FGD4: variants seen among roughly 807,000 people sequenced by gnomAD.
FGD4 encodes the protein FYVE, RhoGEF and PH domain containing 4, also known as FYVE, RhoGEF and PH domain-containing protein 4.
A neutral mutation model predicts 102.0 loss-of-function variants in FGD4; 42 were observed. That is an observed-to-expected ratio of 0.41 (90% confidence interval 0.32 to 0.53). The LOEUF is 0.53. FGD4 is among the 20% of genes least tolerant of loss of function. The pLI, the probability that FGD4 is intolerant of heterozygous loss-of-function variation, is 0.21. For missense variants in FGD4, 902 were observed against 1,078.2 expected (o/e 0.84, Z 2.29); for synonymous variants, 380 against 375.7 (o/e 1.01, Z -0.13).
chr12:32,586,555 A>C (rs1428384417), intron 4 of FGD4, among the ~76,000 whole-genome samples: 1 of 152,212 alleles, frequency 6.6e-6, no homozygotes, highest in African/African-American at 2.4e-5. Flanking sequence ...CATGGAAGTG[A>C]CATGATGACA....
intron 2 of FGD4, among the ~76,000 whole-genome samples, chr12:32,575,259 G>A (rs942375870): frequency 2.0e-5 from 3 of 152,194 alleles, no homozygotes; most frequent in African/African-American, 7.2e-5. Context: ...TGGGCTCACA[G>A]TTCTGCAGGC....
At chr12:32,505,127 C>T (rs1446095316) in intron 1 of FGD4, among the ~76,000 whole-genome samples, 1 of 152,172 alleles carries the variant, frequency 6.6e-6, no homozygotes, top group Non-Finnish European at 1.5e-5. Flanking sequence ...CCTGCAGATG[C>T]TGTCATTGCT....
intron 1 of FGD4, among the ~76,000 whole-genome samples, chr12:32,553,912 T>C (rs932754665): frequency 2.6e-5 from 4 of 152,096 alleles, no homozygotes; most frequent in Non-Finnish European, 4.4e-5. Flanking sequence ...AGAGACCAGC[T>C]TGGGCAACAG....
chr12:32,482,164 CAAAG>C (rs1943785812), intron 1 of FGD4, among the ~76,000 whole-genome samples: 1 of 152,060 alleles, frequency 6.6e-6, no homozygotes. Flanking sequence ...TTTTAATAAA[CAAAG>C]GAAATGAAAT....
Position 32,544,993 on chromosome 12 carries a change from G to T in FGD4, c.167-19144G>T, listed in dbSNP as rs1943122510. ...TGGTTTGGGGTGCAACCCAGGTATTGCAGTTTTCTTTCTTAAAGTTCCACA... is the reference window on the plus strand; with the variant it reads ...TGGTTTGGGGTGCAACCCAGGTATTTCAGTTTTCTTTCTTAAAGTTCCACA... On this transcript the variant is annotated intron_variant, in intron 1 of 16. Coordinates refer to ENST00000534526, the MANE Select transcript of FGD4 (RefSeq NM_001370298.3). This position sits in a 1 kb window ranked among gnomAD's most constrained non-coding sequence, Gnocchi z 4.1. 6.6e-6 allele frequency among the ~76,000 whole-genome samples: 1 copy of T among 152,044 alleles called. No individual in the cohort carries two copies. The highest frequency in any genetic ancestry group is 1.5e-5 in the Non-Finnish European group (1 of 68,022).
intron 1 of FGD4, among the ~76,000 whole-genome samples, chr12:32,448,503 C>CA (rs1942683773): frequency 6.6e-6 from 1 of 151,936 alleles, no homozygotes; most frequent in Non-Finnish European, 1.5e-5. Flanking sequence ...ACTAAAAATA[C>CA]AAAATTAGCC....
intron 1 of FGD4, among the ~76,000 whole-genome samples, chr12:32,451,071 G>A (rs112316166): frequency 0.018 from 2,727 of 152,262 alleles, 38 homozygotes; most frequent in Non-Finnish European, 0.025. Flanking sequence ...ACTAGACTTC[G>A]CTTATAATTT....
intron 4 of FGD4, among the ~76,000 whole-genome samples, chr12:32,590,330 A>AT (rs1292133452): frequency 3.3e-5 from 5 of 150,418 alleles, no homozygotes; most frequent in African/African-American, 1.2e-4. Context: ...AAAAAAAAAA[A>AT]GCAAGGAATG....
chr12:32,422,974 A>G (rs1220147282), intron 1 of FGD4, among the ~76,000 whole-genome samples: 2 of 152,196 alleles, frequency 1.3e-5, no homozygotes, highest in Non-Finnish European at 2.9e-5. Context: ...CCAAGTTCAC[A>G]TGGCTAGTAG....
chr12:32,637,051 T>TTTC (rs1565937677), intron 15 of FGD4, among the ~76,000 whole-genome samples: 3 of 101,096 alleles, frequency 3.0e-5, no homozygotes, highest in Admixed American at 1.0e-4. Flanking sequence ...TTTTCTTCTT[T>TTTC]TTTTTTTTTT....
chr12:32,444,315 ACCCAGC>A (rs1386648352), intron 1 of FGD4, among the ~76,000 whole-genome samples: 1 of 151,888 alleles, frequency 6.6e-6, no homozygotes, highest in Non-Finnish European at 1.5e-5. Flanking sequence ...GACCCACTGC[ACCCAGC>A]CAACAGGCTG....
chr12:32,425,989 T>C (rs998403433), intron 1 of FGD4, among the ~76,000 whole-genome samples: 2 of 152,258 alleles, frequency 1.3e-5, no homozygotes, highest in South Asian at 2.1e-4. Context: ...TTTCTAAATA[T>C]ACAATCATGT....
intron 7 of FGD4, among the ~76,000 whole-genome samples, chr12:32,606,566 G>A (rs1055939073): frequency 2.7e-5 from 4 of 150,498 alleles, no homozygotes; most frequent in Non-Finnish European, 5.9e-5. Context: ...TCCTGGGCTC[G>A]CTCCCTAGTC....
intron 5 of FGD4, among the ~76,000 whole-genome samples, chr12:32,600,079 G>A (rs61926191): frequency 0.011 from 1,697 of 152,286 alleles, 18 homozygotes; most frequent in South Asian, 0.056. Flanking sequence ...GCCATGAGAA[G>A]CCATTTTAAG....
At chr12:32,547,965 C>T in intron 1 of FGD4, among the ~76,000 whole-genome samples, 1 of 152,188 alleles carries the variant, frequency 6.6e-6, no homozygotes, top group Non-Finnish European at 1.5e-5. Context: ...CTCGGCCTCC[C>T]AAAGTGCTAG....
At chr12:32,537,173 G>A (rs556699624) in intron 1 of FGD4, among the ~76,000 whole-genome samples, 1 of 152,254 alleles carries the variant, frequency 6.6e-6, no homozygotes, top group East Asian at 1.9e-4. Context: ...CTCCCAAAGT[G>A]CTGGGATTAC....
At chr12:32,607,002 A>G (rs1200807699) in intron 7 of FGD4, among the ~76,000 whole-genome samples, 3 of 152,246 alleles carry the variant, frequency 2.0e-5, no homozygotes, top group Non-Finnish European at 4.4e-5. Context: ...CATTTATCAT[A>G]GCCTTATTAT....
At chr12:32,540,516 A>G (rs561881012) in intron 1 of FGD4, among the ~76,000 whole-genome samples, 10 of 151,468 alleles carry the variant, frequency 6.6e-5, no homozygotes, top group African/African-American at 1.9e-4. Context: ...GAGTAGATGG[A>G]TATTAGGCCC....
intron 1 of FGD4, among the ~76,000 whole-genome samples, chr12:32,470,426 T>C (rs1591963056): frequency 6.6e-6 from 1 of 152,172 alleles, no homozygotes; most frequent in East Asian, 1.9e-4. Context: ...GCTTTCTTAA[T>C]CCTTCTGACT....
Sources: allele counts gnomAD v4.1 joint callset (sites outside exome capture counted in the v4.1 genomes callset), GRCh38; gene constraint gnomAD v4.1.1; non-coding constraint Gnocchi (gnomAD v3.1); transcripts MANE v1.5; gene names NCBI Gene and HGNC (gene_info 2026-07-23, HGNC 2026-07-21).